NFIB: variants seen among roughly 807,000 people sequenced by gnomAD.
NFIB encodes nuclear factor I B, also known as nuclear factor 1 B-type.
In NFIB, 11 loss-of-function variants were observed where a neutral mutation model predicts 61.5. The observed-to-expected ratio is 0.18, with a 90% confidence interval of 0.11 to 0.30. The LOEUF (loss-of-function observed/expected upper bound fraction) is 0.30. Ranked by LOEUF, NFIB falls within the 10% of genes least tolerant of loss-of-function variation. The probability of loss-of-function intolerance (pLI) is 1.00; values close to 1 mark genes in which losing one functional copy is unlikely to be tolerated. For synonymous variants in NFIB, 260 were observed against 216.5 expected (o/e 1.20, Z -1.76); for missense variants, 471 against 608.9 (o/e 0.77, Z 2.38).
the NFIB span, among the ~76,000 whole-genome samples, chr9:14,440,811 A>G: frequency 6.6e-6 from 1 of 152,232 alleles, no homozygotes; most frequent in African/African-American, 2.4e-5. Flanking sequence ...TAATCTGGGA[A>G]CATTCATTTA....
intron 1 of NFIB, among the ~76,000 whole-genome samples, chr9:14,321,409 AAACTT>A (rs1425298262): frequency 4.6e-5 from 7 of 152,348 alleles, no homozygotes; most frequent in Non-Finnish European, 8.8e-5. Flanking sequence ...GGTTAGGACT[AAACTT>A]TAGAATGAAT....
At chr9:14,241,680 C>T (rs2054371841) in intron 2 of NFIB, among the ~76,000 whole-genome samples, 1 of 152,076 alleles carries the variant, frequency 6.6e-6, no homozygotes, top group South Asian at 2.1e-4. Context: ...GGGCCCACAA[C>T]CATATGCTTC....
chr9:14,392,179 A>C (rs2061630366), intron 1 of NFIB, among the ~76,000 whole-genome samples: 1 of 152,274 alleles, frequency 6.6e-6, no homozygotes, highest in Admixed American at 6.5e-5. Flanking sequence ...CAAAGAAGAC[A>C]TAATGACTAA....
chr9:14,241,317 A>C (rs62532557), intron 2 of NFIB, among the ~76,000 whole-genome samples: 2 of 152,210 alleles, frequency 1.3e-5, no homozygotes, highest in Non-Finnish European at 2.9e-5. Context: ...ATCAGTATCA[A>C]CATCCATATC....
chr9:14,281,760 C>CA (rs2058383433), intron 2 of NFIB, among the ~76,000 whole-genome samples: 1 of 152,084 alleles, frequency 6.6e-6, no homozygotes, highest in South Asian at 2.1e-4. Flanking sequence ...CATGTCAGGT[C>CA]ACTTATGACC....
At chr9:14,231,129 AAAAAAAATAT>A (rs1174773428) in intron 2 of NFIB, among the ~76,000 whole-genome samples, 2 of 78,176 alleles carry the variant, frequency 2.6e-5, no homozygotes, top group Admixed American at 1.5e-4. Context: ...GGAAAAAAAA[AAAAAAAATAT>A]ATATATATAT....
chr9:14,506,605 G>C, the NFIB span, among the ~76,000 whole-genome samples: 3 of 152,174 alleles, frequency 2.0e-5, no homozygotes, highest in African/African-American at 7.2e-5. Context: ...AGAGATGCTG[G>C]AAGTACCTAC....
chr9:14,406,181 G>T, the NFIB span, among the ~76,000 whole-genome samples: 1 of 152,196 alleles, frequency 6.6e-6, no homozygotes, highest in Non-Finnish European at 1.5e-5. Context: ...GAGTTTCTCT[G>T]AGAAAGCAGA....
chr9:14,239,045 A>G (rs572477307), intron 2 of NFIB, among the ~76,000 whole-genome samples: 1 of 152,348 alleles, frequency 6.6e-6, no homozygotes, highest in African/African-American at 2.4e-5. Flanking sequence ...TATAATAGGA[A>G]AAGGAGTTAC....
At chr9:14,355,549 T>C (rs1215077631) in intron 1 of NFIB, among the ~76,000 whole-genome samples, 1 of 152,236 alleles carries the variant, frequency 6.6e-6, no homozygotes, top group Non-Finnish European at 1.5e-5. Flanking sequence ...AGATTCTCTA[T>C]TTGAAGAATC....
At chr9:14,272,008 T>A (rs1264048761) in intron 2 of NFIB, among the ~76,000 whole-genome samples, 1 of 152,174 alleles carries the variant, frequency 6.6e-6, no homozygotes, top group Non-Finnish European at 1.5e-5. Flanking sequence ...TAACCATGAG[T>A]GCATAAGACT....
At chr9:14,219,406 T>TAAAAAAAAAAA (rs1554677167) in intron 2 of NFIB, among the ~76,000 whole-genome samples, 3 of 30,872 alleles carry the variant, frequency 9.7e-5, no homozygotes, top group Non-Finnish European at 2.0e-4. Context: ...AAAAAAAAAG[T>TAAAAAAAAAAA]CTAAGTTGAA....
intron 3 of NFIB, among the ~76,000 whole-genome samples, chr9:14,175,780 A>T (rs941279421): frequency 2.4e-4 from 36 of 152,226 alleles, no homozygotes; most frequent in African/African-American, 8.4e-4. Flanking sequence ...AAAGGCCCCA[A>T]AAGTTTATAT....
intron 3 of NFIB, among the ~76,000 whole-genome samples, chr9:14,161,908 G>A (rs1057173262): frequency 2.0e-5 from 3 of 152,166 alleles, no homozygotes; most frequent in Admixed American, 2.0e-4. Context: ...AGGGCAAGCT[G>A]TGAGCATGTC....
the NFIB span, among the ~76,000 whole-genome samples, chr9:14,407,256 G>C: frequency 6.6e-6 from 1 of 152,102 alleles, no homozygotes; most frequent in African/African-American, 2.4e-5. Flanking sequence ...ACTTTCCTTT[G>C]CTTTAACTGG....
chr9:14,455,980 TAGTC>T, the NFIB span, among the ~76,000 whole-genome samples: 2 of 152,182 alleles, frequency 1.3e-5, no homozygotes, highest in African/African-American at 4.8e-5. Flanking sequence ...GTATCATTAA[TAGTC>T]AGTGGGAAAA....
At chr9:14,434,038 C>G in the NFIB span, among the ~76,000 whole-genome samples, 5 of 152,204 alleles carry the variant, frequency 3.3e-5, no homozygotes, top group Non-Finnish European at 7.3e-5. Flanking sequence ...GAGCACTAAG[C>G]TTTCTCTAAG....
At chr9:14,273,313 T>C (rs1156483652) in intron 2 of NFIB, among the ~76,000 whole-genome samples, 1 of 152,206 alleles carries the variant, frequency 6.6e-6, no homozygotes, top group Non-Finnish European at 1.5e-5. Context: ...TAAGGTAACA[T>C]GGGCCAGTGT....
chr9:14,211,677 A>G (rs1048691064), intron 2 of NFIB, among the ~76,000 whole-genome samples: 3 of 152,222 alleles, frequency 2.0e-5, no homozygotes, highest in African/African-American at 7.2e-5. Flanking sequence ...CGTTTATATC[A>G]GATTCTGTGC....
Sources: allele counts gnomAD v4.1 joint callset (sites outside exome capture counted in the v4.1 genomes callset), GRCh38; gene constraint gnomAD v4.1.1; transcripts MANE v1.5; gene names NCBI Gene and HGNC (gene_info 2026-07-23, HGNC 2026-07-21).